Variants in COL6A6 observed in about 807,000 individuals in gnomAD.
COL6A6 encodes the protein collagen type VI alpha 6 chain, also known as collagen alpha-6(VI) chain.
A neutral mutation model predicts 208.6 loss-of-function variants in COL6A6; 183 were observed. The ratio of observed to expected loss-of-function variants is 0.88; its 90% CI spans 0.78 to 0.99. COL6A6 has a LOEUF of 0.99. Ranked by LOEUF, COL6A6 falls within the 50% of genes least tolerant of loss-of-function variation. The pLI is 0.00. For missense variants in COL6A6, 2,816 were observed against 2,815.2 expected (o/e 1.00, Z -0.01); for synonymous variants, 973 against 1,011.8 (o/e 0.96, Z 0.73).
chr3:130,645,705 G>A (rs2065446024), intron 32 of COL6A6, among the ~76,000 whole-genome samples: 1 of 152,192 alleles, frequency 6.6e-6, no homozygotes, highest in South Asian at 2.1e-4. Context: ...GCAAGTAAGT[G>A]GAATGTGCAA....
At chr3:130,555,752 GT>G (rs200812307) in intron 1 of COL6A6, among the ~76,000 whole-genome samples, 49 of 150,806 alleles carry the variant, frequency 3.2e-4, no homozygotes, top group Non-Finnish European at 6.1e-4. Flanking sequence ...GTGTTTTTTG[GT>G]TTTTTTTGTG....
chr3:130,619,239 G>A (rs79822861), intron 23 of COL6A6, among the ~76,000 whole-genome samples: 5,809 of 152,192 alleles, frequency 0.038, 405 homozygotes, highest in African/African-American at 0.13. Context: ...GGGGGGACAA[G>A]CATGAGACCC....
intron 20 of COL6A6, among the ~76,000 whole-genome samples, chr3:130,606,263 G>T (rs2064179907): frequency 6.6e-6 from 1 of 152,102 alleles, no homozygotes; most frequent in African/African-American, 2.4e-5. Flanking sequence ...ATGAAATATT[G>T]ATCTAGAATA....
At chr3:130,528,108 T>C (rs1051484674) in intron 1 of COL6A6, among the ~76,000 whole-genome samples, 2 of 152,052 alleles carry the variant, frequency 1.3e-5, no homozygotes, top group African/African-American at 4.8e-5. Flanking sequence ...AATAATAAGA[T>C]GCTATGACAG....
intron 23 of COL6A6, among the ~76,000 whole-genome samples, chr3:130,613,255 A>G (rs1191361949): frequency 6.6e-6 from 1 of 152,170 alleles, no homozygotes; most frequent in Non-Finnish European, 1.5e-5. Flanking sequence ...TCCCAGTACC[A>G]TTTATTGAAT....
intron 19 of COL6A6, 74 bp downstream of exon 19, chr3:130,598,504 G>A: frequency 9.9e-7 from 1 of 1,006,038 alleles, no homozygotes; most frequent in Non-Finnish European, 1.5e-6. Flanking sequence ...AATGTGAAAT[G>A]CTTAACAAAA....
chr3:130,672,502 A>G (rs958242732), intron 36 of COL6A6, among the ~76,000 whole-genome samples: 2 of 151,568 alleles, frequency 1.3e-5, no homozygotes, highest in African/African-American at 4.8e-5. Flanking sequence ...TCCCGGGTTC[A>G]AGCGATTCTC....
intron 28 of COL6A6, among the ~76,000 whole-genome samples, chr3:130,638,619 G>T (rs1246408692): frequency 6.6e-6 from 1 of 152,222 alleles, no homozygotes; most frequent in African/African-American, 2.4e-5. Flanking sequence ...CTAAGAAGGG[G>T]TGAATGAAAG....
intron 25 of COL6A6, among the ~76,000 whole-genome samples, chr3:130,627,045 T>G (rs2064910783): frequency 6.6e-6 from 1 of 152,196 alleles, no homozygotes; most frequent in African/African-American, 2.4e-5. Context: ...GATTTTTTGT[T>G]CATTTAATCC....
At position 130,550,667 on chromosome 3, in the gene COL6A6, T is replaced by C. The variant is rs192863861; in HGVS notation, c.-31-9667T>C. Reference sequence around the variant, plus strand: ...AACCCATTAGATCTTGTGAGACTTATTCACTATCACAAGAATAGCAAGGGA... The same window carrying C: ...AACCCATTAGATCTTGTGAGACTTACTCACTATCACAAGAATAGCAAGGGA... On this transcript the variant is annotated intron_variant, in intron 1 of 36. Transcript: ENST00000358511. Among the ~76,000 whole-genome samples the C allele has an allele frequency of 2.3e-3, 345 of 152,288 alleles. 3 individuals carry two copies. Among genetic ancestry groups the C allele is most frequent in the African/African-American group, 7.8e-3 (325 of 41,558 alleles).
chr3:130,615,546 A>G (rs1313974886), intron 23 of COL6A6, among the ~76,000 whole-genome samples: 1 of 152,186 alleles, frequency 6.6e-6, no homozygotes, highest in Non-Finnish European at 1.5e-5. Flanking sequence ...AAGCATGTTA[A>G]TTATTGCTTG....
At chr3:130,616,099 A>T (rs1241106593) in intron 23 of COL6A6, among the ~76,000 whole-genome samples, 1 of 152,168 alleles carries the variant, frequency 6.6e-6, no homozygotes, top group East Asian at 1.9e-4. Context: ...TATGTTTAGG[A>T]CATGGATGAA....
intron 1 of COL6A6, among the ~76,000 whole-genome samples, chr3:130,553,846 GTTTTT>G (rs796867068): frequency 1.4e-5 from 1 of 71,746 alleles, no homozygotes; most frequent in Non-Finnish European, 5.3e-5. Flanking sequence ...TTTTTTTTGT[GTTTTT>G]TTTTGTTTTG....
chr3:130,637,722 A>G lies in COL6A6; in HGVS notation c.5091+1961A>G, dbSNP rs546009996. Among the ~76,000 whole-genome samples the G allele has an allele frequency of 4.2e-4, 64 of 151,960 alleles. 1 individual carries two copies. The South Asian group carries it at 0.013, about 32-fold the overall frequency. ...CCTTGTTTAAATTCTCTAAATCTTC[A>G]CCTTGATTTTTTTTTCCTCAAAAAA... On this transcript the variant is annotated intron_variant, in intron 28 of 36. Transcript: ENST00000358511.
At chr3:130,578,780 G>A (rs2063352610) in intron 8 of COL6A6, among the ~76,000 whole-genome samples, 1 of 152,202 alleles carries the variant, frequency 6.6e-6, no homozygotes, top group Non-Finnish European at 1.5e-5. Context: ...ATGCTGAAGG[G>A]ACCAGGGCCT....
At chr3:130,577,491 T>A (rs1313858720) in intron 8 of COL6A6, among the ~76,000 whole-genome samples, 1 of 152,236 alleles carries the variant, frequency 6.6e-6, no homozygotes, top group Non-Finnish European at 1.5e-5. Context: ...TGAAATTGTT[T>A]CCACAAGCTG....
At chr3:130,584,538 G>A (rs919207658) in intron 10 of COL6A6, among the ~76,000 whole-genome samples, 1 of 152,108 alleles carries the variant, frequency 6.6e-6, no homozygotes, top group African/African-American at 2.4e-5. Context: ...AAAGTCCCAG[G>A]AAATGAGGAC....
chr3:130,538,658 G>A (rs2062281580), intron 1 of COL6A6, among the ~76,000 whole-genome samples: 1 of 152,208 alleles, frequency 6.6e-6, no homozygotes, highest in African/African-American at 2.4e-5. Context: ...TATAGAACTA[G>A]GATTTTAATT....
At chr3:130,622,327 T>C (rs1388791496) in intron 24 of COL6A6, among the ~76,000 whole-genome samples, 3 of 151,962 alleles carry the variant, frequency 2.0e-5, no homozygotes, top group Non-Finnish European at 2.9e-5. Flanking sequence ...GAGACATCTT[T>C]GTTTTGGTCA....
Sources: allele counts gnomAD v4.1 joint callset (sites outside exome capture counted in the v4.1 genomes callset), GRCh38; gene constraint gnomAD v4.1.1; transcripts MANE v1.5; gene names NCBI Gene and HGNC (gene_info 2026-07-23, HGNC 2026-07-21).